The following GPRIN1 variants were observed in gnomAD, a reference collection of about 807,000 sequenced individuals.
GPRIN1 encodes the protein G protein-regulated inducer of neurite outgrowth 1.
A neutral mutation model predicts 2.8 loss-of-function variants in GPRIN1; 4 were observed. The observed-to-expected ratio is 1.45, with a 90% confidence interval of 0.71 to 3.32. The LOEUF (loss-of-function observed/expected upper bound fraction) is 3.32. Ranked by LOEUF, GPRIN1 falls within the 30% of genes most tolerant of loss-of-function variation. The pLI is 0.01. For synonymous variants in GPRIN1, 589 were observed against 589.9 expected (o/e 1.00, Z 0.02); for missense variants, 1,322 against 1,343.4 (o/e 0.98, Z 0.25).
Position 176,596,618 on chromosome 5 carries a change from G to A in GPRIN1, c.*190C>T, listed in dbSNP as rs1247030859. The A allele has an allele frequency of 2.6e-6, 1 of 384,260 alleles. No homozygotes were observed. The highest frequency in any genetic ancestry group is 4.2e-6 in the Non-Finnish European group (1 of 240,076). The allele number at this position is 384,260 out of a possible 1,614,324, so 23.8% of individuals were successfully genotyped here. The stretch of plus-strand genomic sequence containing the variant: ...CGGGTTCGTGGCCTCGTGGCCACGA[G>A]GGAGCTTGGTAGAAGGGGTTCTTCT... On this transcript the variant is annotated 3_prime_UTR_variant, in exon 2 of 2. Transcript: ENST00000303991. This position sits in a 1 kb window ranked among gnomAD's most constrained non-coding sequence, Gnocchi z 5.2.
At chr5:176,600,578 G>A (rs574857219) in intron 1 of GPRIN1, among the ~76,000 whole-genome samples, 1 of 152,204 alleles carries the variant, frequency 6.6e-6, no homozygotes, top group East Asian at 1.9e-4. Context: ...TAAGACAAAA[G>A]GGAGTGGTGG....
Position 176,599,241 on chromosome 5 carries a change from A to G in GPRIN1, c.594T>C (p.Pro198=). The G allele has an allele frequency of 6.2e-7, 1 of 1,613,614 alleles. No homozygotes were observed. Residue 198 remains proline (P), a synonymous_variant, in exon 2 of 2, where the codon CCT becomes CCC. Coordinates refer to ENST00000303991, the MANE Select transcript of GPRIN1 (RefSeq NM_052899.3). ...TTACAGTCATGGGATCCATCCTTCC[A>G]GGAGCCACAGGATCCCCCTTTCCCA... The part of the protein sequence containing the change: ...EILGKGDPVA[P]GRMDPMTVRK...
chr5:176,601,742 C>T (rs1759150842), intron 1 of GPRIN1, among the ~76,000 whole-genome samples: 1 of 152,104 alleles, frequency 6.6e-6, no homozygotes, highest in African/African-American at 2.4e-5. Flanking sequence ...AATGCTCAGG[C>T]CCAAATCCCT....
chr5:176,597,712 C>A lies in GPRIN1; in HGVS notation c.2123G>T (p.Gly708Val). Reference sequence around the variant, plus strand: ...CTCCAGACTCAGGGGGACCACCTTCCCCAAGGATGGGGACTCCGTTTTTCT... The same window carrying A: ...CTCCAGACTCAGGGGGACCACCTTCACCAAGGATGGGGACTCCGTTTTTCT... ...PSRKTESPSLGKVVPLSLEKT... is the reference protein window; with the variant it reads ...PSRKTESPSLVKVVPLSLEKT... The change falls in exon 2 of 2, where the codon GGG becomes GTG. Residue 708 changes from glycine (G) to valine (V), a missense_variant. By Grantham distance (109) the Gly-to-Val change is moderately radical. Transcript: ENST00000303991. This position sits in a 1 kb window ranked among gnomAD's most constrained non-coding sequence, Gnocchi z 6.1. 6.3e-7 allele frequency: 1 copy of A among 1,595,754 alleles called. No individual in the cohort carries two copies. Among genetic ancestry groups the A allele is most frequent in the Non-Finnish European group, 8.5e-7 (1 of 1,170,860 alleles).
chr5:176,598,290 C>G lies in GPRIN1; in HGVS notation c.1545G>C (p.Thr515=), dbSNP rs17854762. 9 of 1,613,768 alleles carry G rather than the reference C, an allele frequency of 5.6e-6. No individual in the cohort carries two copies. Among genetic ancestry groups the G allele is most frequent in the South Asian group, 1.1e-5 (1 of 91,080 alleles). ...AGGACAGGGGATCTCCTTTTCCCCC[C>G]GTCGCTGGCTCAGCCTTTACTGCAG... The part of the protein sequence containing the change: ...PPSAVKAEPA[T]GGKGDPLSSE... The change falls in exon 2 of 2, where the codon ACG becomes ACC. Residue 515 remains threonine, a synonymous_variant. Coordinates refer to ENST00000303991, the MANE Select transcript of GPRIN1 (RefSeq NM_052899.3).
chr5:176,608,289 G>A (rs1759255053), intron 1 of GPRIN1, among the ~76,000 whole-genome samples: 1 of 152,114 alleles, frequency 6.6e-6, no homozygotes, highest in African/African-American at 2.4e-5. Context: ...AAGCAACAGT[G>A]CCAAGGAGCA....
chr5:176,605,267 A>C (rs943122297), intron 1 of GPRIN1, among the ~76,000 whole-genome samples: 2 of 151,490 alleles, frequency 1.3e-5, no homozygotes, highest in Non-Finnish European at 2.9e-5. Context: ...CTAATTTTTT[A>C]AATTTTTACT....
At position 176,598,603 on chromosome 5, in the gene GPRIN1, A is replaced by T. The variant is rs1466372982; in HGVS notation, c.1232T>A (p.Met411Lys). 1 of 1,614,106 alleles carries T rather than the reference A, an allele frequency of 6.2e-7. No individual in the cohort carries two copies. Residue 411 changes from methionine to lysine, a missense_variant, in exon 2 of 2, where the codon ATG (methionine) becomes AAG (lysine). This residue lies in a region of GPRIN1 where 1,117 missense variants were observed against 1,128.6 expected (regional missense o/e 0.99). Transcript: ENST00000303991. ...AACTGGATCCACCTTGCCTGAAGAC[A>T]TGGGATCCACATTTTTCAAAGATGT... ...DLTSLKNVDP[M>K]SSGKVDPVSL...
chr5:176,607,354 C>CA (rs1180314540), intron 1 of GPRIN1, among the ~76,000 whole-genome samples: 2 of 152,170 alleles, frequency 1.3e-5, no homozygotes, highest in Non-Finnish European at 2.9e-5. Flanking sequence ...CACTGTCTTT[C>CA]TTTTTTTGAG....
intron 1 of GPRIN1, among the ~76,000 whole-genome samples, chr5:176,607,418 A>T (rs1220105726): frequency 6.6e-6 from 1 of 152,146 alleles, no homozygotes; most frequent in African/African-American, 2.4e-5. Context: ...ATCTCGGCTC[A>T]CTGCAATCTC....
rs574374817 is a variant in GPRIN1 at position 176,597,314 on chromosome 5, T to C, written c.2521A>G (p.Ser841Gly). Residue 841 changes from serine (S) to glycine (G), a missense_variant, in exon 2 of 2, where the codon AGC becomes GGC. Physicochemically the swap from Ser to Gly is moderately conservative, Grantham distance 56 (BLOSUM62 0). Transcript: ENST00000303991. The surrounding 1 kb of genome is among the most constrained non-coding windows in gnomAD (Gnocchi z 6.1). The part of the protein sequence containing the change: ...PQDGAGGSAF[S>G]FQAAPRAPSP... ...GGCGCGCGCGGCGCCGCCTGGAAGC[T>C]GAAGGCCGAGCCCCCAGCGCCGTCC... The C allele has an allele frequency of 4.9e-4, 611 of 1,235,140 alleles. 1 individual carries two copies. In the African/African-American group the frequency reaches 8.0e-3, roughly 16 times the overall value. 76.5% of individuals were successfully genotyped at this position (1,235,140 alleles called of 1,614,324 possible).
intron 1 of GPRIN1, among the ~76,000 whole-genome samples, chr5:176,608,305 TAGA>T (rs1759255211): frequency 6.6e-6 from 1 of 152,142 alleles, no homozygotes; most frequent in African/African-American, 2.4e-5. Flanking sequence ...GAGCATGCAG[TAGA>T]AGAAGCAAGA....
At chr5:176,600,401 C>T (rs1020451038) in intron 1 of GPRIN1, among the ~76,000 whole-genome samples, 1 of 152,152 alleles carries the variant, frequency 6.6e-6, no homozygotes, top group South Asian at 2.1e-4. Context: ...TGCGCCCCAC[C>T]CACAGCCTAA....
chr5:176,597,464 G>A lies in GPRIN1; in HGVS notation c.2371C>T (p.Arg791Cys). Reference protein sequence around the residue: ...AAAPPPGPRTRDNFTKAPSWE... With the variant: ...AAAPPPGPRTCDNFTKAPSWE... ...GACGGCGCCTTGGTGAAGTTGTCGC[G>A]AGTCCGCGGCCCCGGCGGGGGCGCT... Residue 791 changes from arginine (R) to cysteine (C), a missense_variant, in exon 2 of 2, where the codon CGC becomes TGC. This residue lies in a region of GPRIN1 where 1,117 missense variants were observed against 1,128.6 expected (regional missense o/e 0.99). Transcript: ENST00000303991. The surrounding 1 kb of genome is among the most constrained non-coding windows in gnomAD (Gnocchi z 6.1). 3 of 1,321,620 alleles carry A rather than the reference G, an allele frequency of 2.3e-6. No individual in the cohort carries two copies. The highest frequency in any genetic ancestry group is 2.4e-4 in the Middle Eastern group (1 of 4,094). The allele number at this position is 1,321,620 out of a possible 1,614,324, so 81.9% of individuals were successfully genotyped here.
intron 1 of GPRIN1, among the ~76,000 whole-genome samples, chr5:176,601,542 C>A (rs2113350525): frequency 6.6e-6 from 1 of 152,208 alleles, no homozygotes; most frequent in Admixed American, 6.5e-5. Context: ...GGTGATGGTG[C>A]TGAGCAGGAG....
Position 176,597,116 on chromosome 5 carries a change from C to G in GPRIN1, c.2719G>C (p.Ala907Pro). Residue 907 changes from alanine to proline, a missense_variant, in exon 2 of 2, where the codon GCT becomes CCT. Physicochemically the swap from Ala to Pro is conservative, Grantham distance 27. Around this residue, in one of 3 missense-constraint regions of GPRIN1, gnomAD observed 196 missense variants for 189.2 expected, o/e 1.04. Coordinates refer to ENST00000303991, the MANE Select transcript of GPRIN1 (RefSeq NM_052899.3). The surrounding 1 kb of genome is among the most constrained non-coding windows in gnomAD (Gnocchi z 6.1). ...LAAAVAPPEPAEPVRDVSWDE... is the reference protein window; with the variant it reads ...LAAAVAPPEPPEPVRDVSWDE... ...CAGCTCACGTCTCGCACGGGCTCAG[C>G]CGGCTCCGGGGGCGCTACAGCGGCC... The G allele has an allele frequency of 6.8e-7, 1 of 1,478,436 alleles. No homozygotes were observed. Among genetic ancestry groups the G allele is most frequent in the Non-Finnish European group, 9.0e-7 (1 of 1,112,020 alleles). 91.6% of individuals were successfully genotyped at this position (1,478,436 alleles called of 1,614,324 possible).
At chr5:176,608,773 C>G (rs372481088) in intron 1 of GPRIN1, among the ~76,000 whole-genome samples, 185 of 152,308 alleles carry the variant, frequency 1.2e-3, no homozygotes, top group African/African-American at 4.3e-3. Context: ...ATTCCTTTCC[C>G]TCTAGGATTT....
rs1759089095 is a variant in GPRIN1 at position 176,598,384 on chromosome 5, G to A, written c.1451C>T (p.Ser484Leu). ...TSSEKVNPES[S>L]GKTNPVSSGP... ...TGAAGACACAGGGTTTGTCTTTCCT[G>A]AAGACTCAGGATTCACTTTTTCAGA... Residue 484 changes from serine to leucine, a missense_variant, in exon 2 of 2, where the codon TCA becomes TTA. By Grantham distance (145) the Ser-to-Leu change is moderately radical. This residue lies in a region of GPRIN1 where 1,117 missense variants were observed against 1,128.6 expected (regional missense o/e 0.99). Transcript: ENST00000303991. The A allele has an allele frequency of 3.7e-6, 6 of 1,613,988 alleles. No homozygotes were observed. Among genetic ancestry groups the A allele is most frequent in the Non-Finnish European group, 5.1e-6 (6 of 1,179,964 alleles).
Position 176,596,988 on chromosome 5 carries a change from G to C in GPRIN1, c.2847C>G (p.His949Gln). 7 of 1,402,526 alleles carry C rather than the reference G, an allele frequency of 5.0e-6. No homozygotes were observed. The highest frequency in any genetic ancestry group is 6.5e-6 in the Non-Finnish European group (7 of 1,071,968). 86.9% of individuals were successfully genotyped at this position (1,402,526 alleles called of 1,614,324 possible). ...QKHLERQIEE[H>Q]GRQGAPAPPP... ...GCGGCGCGGGCGCCCCTTGGCGGCC[G>C]TGCTCCTCGATCTGTCGCTCCAGAT... Residue 949 changes from histidine (H) to glutamine (Q), a missense_variant, in exon 2 of 2, where the codon CAC becomes CAG. His to Gln is a conservative substitution (Grantham distance 24). This residue lies in a region of GPRIN1 where 196 missense variants were observed against 189.2 expected (regional missense o/e 1.04). Transcript: ENST00000303991. The surrounding 1 kb of genome is among the most constrained non-coding windows in gnomAD (Gnocchi z 5.2).
Sources: gnomAD v4.1 joint callset for allele counts (sites outside exome capture counted in the v4.1 genomes callset) on GRCh38, gnomAD v4.1.1 for gene constraint, gnomAD v4.1.1 regional missense constraint, Gnocchi (gnomAD v3.1) non-coding constraint, MANE v1.5 for transcripts, NCBI Gene and HGNC (gene_info 2026-07-23, HGNC 2026-07-21) for gene names.